The following TMEM120B variants were observed in gnomAD, a reference collection of about 807,000 sequenced individuals.
TMEM120B encodes the protein transmembrane protein 120B.
TMEM120B carries 31 observed loss-of-function variants against 55.5 expected under a neutral mutation model. The observed-to-expected ratio is 0.56, with a 90% CI of 0.42 to 0.75. The LOEUF (loss-of-function observed/expected upper bound fraction) is 0.75. Ranked by LOEUF, TMEM120B falls within the 30% of genes least tolerant of loss-of-function variation. The pLI, the probability that TMEM120B is intolerant of heterozygous loss-of-function variation, is 0.00. For missense variants in TMEM120B, 399 were observed against 425.5 expected (o/e 0.94, Z 0.55); for synonymous variants, 203 against 176.3 (o/e 1.15, Z -1.20).
rs566503362 is a variant in TMEM120B at position 121,754,983 on chromosome 12, CAGGGCAGCTTGGAGGGCAGGAGA to C, written c.461+2763_461+2785del. On this transcript the variant is annotated intron_variant, in intron 5 of 11. Transcript: ENST00000449592. ...AGTGAGCGTGACAGGAGCTACTTGG[CAGGGCAGCTTGGAGGGCAGGAGA>C]AGCTGTGTCTGGAGACTGGTTAGAC... Among the ~76,000 whole-genome samples, 176 of 152,292 alleles carry C rather than the reference CAGGGCAGCTTGGAGGGCAGGAGA, an allele frequency of 1.2e-3. 1 individual carries two copies. The highest frequency in any genetic ancestry group is 1.7e-3 in the South Asian group (8 of 4,826).
At position 121,776,136 on chromosome 12, in the gene TMEM120B, G is replaced by T; in HGVS notation, c.*414G>T. On this transcript the variant is annotated 3_prime_UTR_variant, in exon 12 of 12. Transcript: ENST00000449592. ...TACTTACCAGGCCCAGGCTGGGGTG[G>T]TGTGAACCCTCAGTGTCCTGTGGCG... The T allele has an allele frequency of 2.3e-6, 1 of 438,824 alleles. No homozygotes were observed. Among genetic ancestry groups the T allele is most frequent in the Admixed American group, 4.2e-5 (1 of 23,688 alleles). The allele number at this position is 438,824 out of a possible 1,614,324, so 27.2% of individuals were successfully genotyped here. A position where few individuals can be genotyped will look rare whatever the true frequency, so the allele number is the denominator to read the frequency against.
intron 6 of TMEM120B, among the ~76,000 whole-genome samples, chr12:121,770,258 G>T (rs1873995153): frequency 6.6e-6 from 1 of 152,068 alleles, no homozygotes; most frequent in African/African-American, 2.4e-5. Flanking sequence ...GTGTCCTCAT[G>T]TGGCCTTTTC....
chr12:121,726,732 C>G (rs1894903060), intron 1 of TMEM120B, among the ~76,000 whole-genome samples: 1 of 151,436 alleles, frequency 6.6e-6, no homozygotes, highest in Admixed American at 6.6e-5. Context: ...TGGTGAAACT[C>G]TGTCTCTACT....
At chr12:121,746,692 C>T (rs370434897) in intron 2 of TMEM120B, among the ~76,000 whole-genome samples, 30 of 152,172 alleles carry the variant, frequency 2.0e-4, no homozygotes, top group African/African-American at 5.5e-4. Flanking sequence ...TGGTGGCTCA[C>T]GCCGGTAATC....
intron 1 of TMEM120B, among the ~76,000 whole-genome samples, chr12:121,726,907 CAAAAAAAA>C (rs71305665): frequency 1.1e-4 from 8 of 73,714 alleles, no homozygotes; most frequent in South Asian, 5.0e-4. Flanking sequence ...GACTCTGTCT[CAAAAAAAA>C]AAAAAAAAAA....
At position 121,776,268 on chromosome 12, in the gene TMEM120B, G is replaced by A. The variant is rs374310169; in HGVS notation, c.*546G>A. The A allele has an allele frequency of 0.013, 2,422 of 183,562 alleles. 73 individuals are homozygous for A. Among genetic ancestry groups the A allele is most frequent in the African/African-American group, 0.055 (2,267 of 41,558 alleles). 11.4% of individuals were successfully genotyped at this position (183,562 alleles called of 1,614,324 possible). On this transcript the variant is annotated 3_prime_UTR_variant, in exon 12 of 12. Transcript: ENST00000449592. ...CTCAGAGACCCACCGCGTCTGCCTC[G>A]TGCTCTTCTTGCCCCTGGAGCGCTG...
At chr12:121,763,596 CCA>C (rs1419166017) in intron 6 of TMEM120B, among the ~76,000 whole-genome samples, 3 of 152,276 alleles carry the variant, frequency 2.0e-5, no homozygotes, top group Non-Finnish European at 4.4e-5. Flanking sequence ...GTGCGTGCCA[CCA>C]CGCCCAGCTA....
chr12:121,718,748 A>G (rs1161498127), intron 1 of TMEM120B, among the ~76,000 whole-genome samples: 1 of 152,152 alleles, frequency 6.6e-6, no homozygotes, highest in Non-Finnish European at 1.5e-5. Flanking sequence ...ACAATGCACT[A>G]TCAGGACTCT....
Position 121,776,801 on chromosome 12 carries a change from CT to C in TMEM120B, c.*1092del, listed in dbSNP as rs71453575. On this transcript the variant is annotated 3_prime_UTR_variant, in exon 12 of 12. Coordinates refer to ENST00000449592, the MANE Select transcript of TMEM120B (RefSeq NM_001080825.2). ...CAAGGAATTTTAAAATTTTTAATTA[CT>C]TTTTTTTTTTTTGAGACAGGGTCTG... is the stretch of plus-strand genomic sequence containing the variant. 29,469 of 146,898 alleles carry C rather than the reference CT, an allele frequency of 0.2. 4,562 individuals are homozygous for C. Among genetic ancestry groups the C allele is most frequent in the African/African-American group, 0.43 (17,356 of 40,324 alleles). The allele number at this position is 146,898 out of a possible 1,614,324, so 9.1% of individuals were successfully genotyped here.
intron 5 of TMEM120B, among the ~76,000 whole-genome samples, chr12:121,760,420 CCCT>C (rs1318872401): frequency 3.3e-5 from 5 of 152,172 alleles, no homozygotes; most frequent in East Asian, 1.9e-4. Context: ...GGTCTGGTGA[CCCT>C]CCTCTGATTC....
intron 8 of TMEM120B, 33 bp downstream of exon 8, chr12:121,771,582 G>GC: frequency 6.2e-7 from 1 of 1,603,480 alleles, no homozygotes; most frequent in East Asian, 2.2e-5. Context: ...TGGGGGAAGG[G>GC]ACATGGTTTT....
At chr12:121,718,894 GTCTC>G (rs959305552) in intron 1 of TMEM120B, among the ~76,000 whole-genome samples, 1 of 151,914 alleles carries the variant, frequency 6.6e-6, no homozygotes, top group Non-Finnish European at 1.5e-5. Context: ...GTGTGTGGAT[GTCTC>G]TCTCTCTCTC....
intron 1 of TMEM120B, 51 bp downstream of exon 1, chr12:121,713,015 C>T (rs1894628475): frequency 1.4e-6 from 2 of 1,432,164 alleles, no homozygotes; most frequent in Admixed American, 2.8e-5. Flanking sequence ...GGTGCAGCGC[C>T]TTGCCCTTCC....
At chr12:121,770,124 G>A (rs149470361) in intron 6 of TMEM120B, among the ~76,000 whole-genome samples, 72 of 152,260 alleles carry the variant, frequency 4.7e-4, no homozygotes, top group African/African-American at 1.6e-3. Flanking sequence ...ACCGCCCGCC[G>A]AGTGTCCTAA....
chr12:121,748,630 C>T (rs562758381), intron 3 of TMEM120B, among the ~76,000 whole-genome samples, 188 bp downstream of exon 3: 10 of 152,224 alleles, frequency 6.6e-5, no homozygotes, highest in Admixed American at 5.2e-4. Context: ...TTAGCCACAC[C>T]GTGTGACAGC....
chr12:121,740,646 GCTTGGT>G (rs1261065082), intron 1 of TMEM120B, among the ~76,000 whole-genome samples: 2 of 152,052 alleles, frequency 1.3e-5, no homozygotes. Flanking sequence ...GAAGAGGAGG[GCTTGGT>G]CTTGCTGTCT....
chr12:121,735,846 A>G (rs188374446), intron 1 of TMEM120B, among the ~76,000 whole-genome samples: 2 of 152,034 alleles, frequency 1.3e-5, no homozygotes, highest in African/African-American at 4.8e-5. Context: ...GCATACCACC[A>G]CACACGGCTA....
chr12:121,751,086 C>T (rs1252976887), intron 4 of TMEM120B, among the ~76,000 whole-genome samples: 1 of 132,472 alleles, frequency 7.5e-6, no homozygotes, highest in Admixed American at 7.5e-5. Flanking sequence ...TCACACCCCA[C>T]ACCTACACCC....
At chr12:121,756,841 A>C (rs1262013477) in intron 5 of TMEM120B, among the ~76,000 whole-genome samples, 1 of 152,202 alleles carries the variant, frequency 6.6e-6, no homozygotes, top group Non-Finnish European at 1.5e-5. Context: ...CCTCAGTTCA[A>C]ATCTGGCTCT....
Sources: gnomAD v4.1 joint callset for allele counts (sites outside exome capture counted in the v4.1 genomes callset) on GRCh38, gnomAD v4.1.1 for gene constraint, MANE v1.5 for transcripts, NCBI Gene and HGNC (gene_info 2026-07-23, HGNC 2026-07-21) for gene names.